DMD: variants seen among roughly 807,000 people sequenced by gnomAD.
DMD encodes the protein mutant dystrophin.
A neutral mutation model predicts 330.1 loss-of-function variants in DMD; 63 were observed. The ratio of observed to expected loss-of-function variants is 0.19; its 90% CI spans 0.16 to 0.24. The LOEUF (loss-of-function observed/expected upper bound fraction) is 0.24. DMD is among the 10% of genes least tolerant of loss of function. DMD has a pLI of 1.00. For missense variants in DMD, 3,344 were observed against 2,684.1 expected, an observed-to-expected ratio of 1.25 and a Z score of -5.43; for synonymous variants, 1,223 against 959.8, an observed-to-expected ratio of 1.27 and a Z score of -5.07.
intron 52 of DMD, among the ~76,000 whole-genome samples, chrX:31,720,494 G>T (rs1022923733): frequency 9.0e-6 from 1 of 111,549 alleles, no homozygotes; most frequent in African/African-American, 3.3e-5. Context: ...AAAAATGCTA[G>T]CCTATAAACA....
intron 61 of DMD, among the ~76,000 whole-genome samples, chrX:31,344,727 G>A (rs937510903): frequency 9.1e-6 from 1 of 110,303 alleles, no homozygotes; most frequent in African/African-American, 3.3e-5. Flanking sequence ...GCGTATTCCT[G>A]TAATCCCAGC....
chrX:32,439,803 G>C (rs1199446919), intron 28 of DMD, among the ~76,000 whole-genome samples: 1 of 110,802 alleles, frequency 9.0e-6, no homozygotes, highest in Non-Finnish European at 1.9e-5. Context: ...TCCATTATCT[G>C]AATTAGGAAC....
chrX:33,228,055 G>T (rs2052321865), intron 1 of DMD, among the ~76,000 whole-genome samples: 1 of 111,527 alleles, frequency 9.0e-6, no homozygotes, highest in African/African-American at 3.2e-5. Flanking sequence ...TTATTTGAAA[G>T]ATAGCTTTTA....
chrX:32,524,815 G>C (rs1424937849), intron 17 of DMD, among the ~76,000 whole-genome samples: 1 of 112,470 alleles, frequency 8.9e-6, no homozygotes, highest in Non-Finnish European at 1.9e-5. Context: ...CACATACAGT[G>C]CGTGAACTTC....
In DMD at chrX:31,383,337, CTGTT is replaced by C. The variant is rs746565990; in HGVS notation, c.9085-34707_9085-34704del. 2.5e-3 allele frequency among the ~76,000 whole-genome samples: 283 copies of C among 112,592 alleles called. 1 individual carries two copies. The highest frequency in any genetic ancestry group is 3.4e-3 in the Non-Finnish European group (183 of 53,358). On this transcript the variant is annotated intron_variant, in intron 60 of 78. Transcript: ENST00000357033. Reference sequence around the variant, plus strand: ...CAAAGCTTTATTGCTCACACAAAGACTGTTTGGTGGTCTCTTCACACGGACGCGA... The same window carrying C: ...CAAAGCTTTATTGCTCACACAAAGACTGGTGGTCTCTTCACACGGACGCGA...
At chrX:32,969,139 A>T (rs1349106521) in intron 2 of DMD, among the ~76,000 whole-genome samples, 1 of 106,737 alleles carries the variant, frequency 9.4e-6, no homozygotes, top group Non-Finnish European at 1.9e-5. Flanking sequence ...GGCTCACAAG[A>T]CACCTAACAT....
chrX:32,696,667 T>G (rs781518175), intron 9 of DMD, among the ~76,000 whole-genome samples: 1 of 111,068 alleles, frequency 9.0e-6, no homozygotes, highest in Non-Finnish European at 1.9e-5. Context: ...AAAAGGCAGC[T>G]CAATAAAGTG....
At chrX:32,398,179 G>A (rs1010663328) in intron 30 of DMD, among the ~76,000 whole-genome samples, 2 of 108,872 alleles carry the variant, frequency 1.8e-5, no homozygotes, top group Admixed American at 9.9e-5. Flanking sequence ...AAAAAATGTT[G>A]AAAAGTTTCA....
intron 1 of DMD, among the ~76,000 whole-genome samples, chrX:33,106,685 A>G (rs1054334021): frequency 8.0e-5 from 9 of 112,004 alleles, no homozygotes; most frequent in South Asian, 3.7e-4. Context: ...GTCTTCAATA[A>G]GCTTCCCTTA....
intron 55 of DMD, among the ~76,000 whole-genome samples, chrX:31,587,877 C>T (rs2076687828): frequency 8.9e-6 from 1 of 111,878 alleles, no homozygotes; most frequent in African/African-American, 3.2e-5. Context: ...CAAGAATATT[C>T]CCTGAACTTG....
chrX:32,149,018 C>G (rs1270155114), intron 44 of DMD, among the ~76,000 whole-genome samples: 1 of 111,771 alleles, frequency 8.9e-6, no homozygotes, highest in East Asian at 2.8e-4. Flanking sequence ...TTCTTTTATA[C>G]CATTTTCTTT....
chrX:32,889,725 C>G (rs2085008801), intron 2 of DMD, among the ~76,000 whole-genome samples: 1 of 110,847 alleles, frequency 9.0e-6, no homozygotes, highest in African/African-American at 3.3e-5. Context: ...AAACATCGCT[C>G]CTAACTCCAC....
At chrX:31,186,286 G>A (rs913676242) in intron 67 of DMD, among the ~76,000 whole-genome samples, 7 of 112,077 alleles carry the variant, frequency 6.2e-5, no homozygotes, top group East Asian at 2.8e-4. Flanking sequence ...TAAAGAAAAC[G>A]TGGTACATAT....
chrX:32,239,421 G>A (rs68072273), intron 43 of DMD, among the ~76,000 whole-genome samples: 24,723 of 110,745 alleles, frequency 0.22, 2,544 homozygotes, highest in East Asian at 0.45. Flanking sequence ...GAGATTTCCC[G>A]TATACTCTCT....
chrX:31,288,916 T>C (rs945649585), intron 62 of DMD, among the ~76,000 whole-genome samples: 1 of 111,451 alleles, frequency 9.0e-6, no homozygotes, highest in Admixed American at 9.6e-5. Flanking sequence ...TATTTTTAGG[T>C]TTTTTGTATA....
In DMD at chrX:32,807,122, T is replaced by TTAAAAAAAAAAAAA. The variant is rs1345640031; in HGVS notation, c.649+2370_649+2371insTTTTTTTTTTTTTA. Among the ~76,000 whole-genome samples, 10 of 20,741 alleles carry TTAAAAAAAAAAAAA rather than the reference T, an allele frequency of 4.8e-4. 1 individual carries two copies. Among genetic ancestry groups the TTAAAAAAAAAAAAA allele is most frequent in the African/African-American group, 2.0e-3 (9 of 4,538 alleles). The allele number at this position is 20,741 out of a possible 115,157, so 18.0% of individuals were successfully genotyped here. A position where few individuals can be genotyped will look rare whatever the true frequency, so the allele number is the denominator to read the frequency against. ...CAGAACTGAAGGAGACGGAAACATT[T>TTAAAAAAAAAAAAA]AAAAAAAAAAAAAAAAAAAAAAAAA... is the stretch of plus-strand genomic sequence containing the variant. On this transcript the variant is annotated intron_variant, in intron 7 of 78. Transcript: ENST00000357033.
chrX:31,138,822 A>G lies in DMD; in HGVS notation c.10922-4628T>C, dbSNP rs768131569. 1.3e-4 allele frequency among the ~76,000 whole-genome samples: 15 copies of G among 111,437 alleles called. No individual in the cohort carries two copies. The Admixed American group carries it at 1.4e-3, about 11-fold the overall frequency. On this transcript the variant is annotated intron_variant, in intron 76 of 78. Coordinates refer to ENST00000357033, the MANE Select transcript of DMD (RefSeq NM_004006.3). ...CAGGTCCCTCCCCTGACACGTGGGG[A>G]TTACAATTTGAGATGAGATTTAGGT...
chrX:33,225,051 A>G (rs1414981297), intron 1 of DMD, among the ~76,000 whole-genome samples: 2 of 111,633 alleles, frequency 1.8e-5, no homozygotes, highest in Non-Finnish European at 3.8e-5. Flanking sequence ...AAATCATAGA[A>G]CATCTAAATT....
intron 19 of DMD, among the ~76,000 whole-genome samples, chrX:32,491,743 G>A (rs1459401456): frequency 9.0e-6 from 1 of 111,492 alleles, no homozygotes; most frequent in Non-Finnish European, 1.9e-5. Context: ...CAAGTAATAA[G>A]ACATAAGATG....
Sources: allele counts gnomAD v4.1 joint callset (sites outside exome capture counted in the v4.1 genomes callset), GRCh38; gene constraint gnomAD v4.1.1; transcripts MANE v1.5; gene names NCBI Gene and HGNC (gene_info 2026-07-23, HGNC 2026-07-21).